PALM2AKAP2: variants seen among roughly 807,000 people sequenced by gnomAD.
The protein encoded by PALM2AKAP2 is PALM2 and AKAP2 fusion.
PALM2AKAP2 carries 37 observed loss-of-function variants against 71.5 expected under a neutral mutation model. The ratio of observed to expected loss-of-function variants is 0.52; its 90% confidence interval spans 0.40 to 0.68. PALM2AKAP2 has a LOEUF of 0.68. Among genes scored for constraint, PALM2AKAP2 ranks in the 30% least tolerant of loss-of-function variants. The pLI is 0.00. For missense variants in PALM2AKAP2, 1,224 were observed against 1,191.8 expected, an observed-to-expected ratio of 1.03 and a Z score of -0.40; for synonymous variants, 468 against 478.8, an observed-to-expected ratio of 0.98 and a Z score of 0.29.
intron 1 of PALM2AKAP2, among the ~76,000 whole-genome samples, chr9:109,755,497 C>A (rs985655012): frequency 1.3e-5 from 2 of 152,100 alleles, no homozygotes; most frequent in African/African-American, 4.8e-5. Context: ...GAACATATTT[C>A]CTGACAACTC....
chr9:110,054,729 T>C (rs942183621), intron 1 of PALM2AKAP2, among the ~76,000 whole-genome samples: 1 of 152,098 alleles, frequency 6.6e-6, no homozygotes, highest in African/African-American at 2.4e-5. Context: ...CATGCCACCA[T>C]GCCTGGCTGT....
At chr9:109,702,435 C>T (rs1268267052) in intron 1 of PALM2AKAP2, among the ~76,000 whole-genome samples, 3 of 152,122 alleles carry the variant, frequency 2.0e-5, no homozygotes, top group Non-Finnish European at 4.4e-5. Flanking sequence ...AGTTCGTGTC[C>T]TTTGTAGGGA....
chr9:109,925,085 A>T lies in PALM2AKAP2; in HGVS notation c.394+3A>T, dbSNP rs762276500. ...GGGTTTCTCCAGTACGGATGGAGGT[A>T]AGTGCTCTCTGCCCCGACTGTAGAT... On this transcript the variant is annotated splice_donor_region_variant and intron_variant, in intron 5 of 9. Coordinates refer to the PALM2AKAP2 transcript ENST00000302798. 3.1e-6 allele frequency: 5 copies of T among 1,613,964 alleles called. No homozygotes were observed. The highest frequency in any genetic ancestry group is 4.2e-6 in the Non-Finnish European group (5 of 1,179,994).
chr9:110,091,270 C>T (rs755275668), intron 1 of PALM2AKAP2, among the ~76,000 whole-genome samples: 16 of 151,948 alleles, frequency 1.1e-4, no homozygotes, highest in Non-Finnish European at 2.1e-4. Flanking sequence ...GTATTGTCTA[C>T]GGTCAATAAA....
chr9:109,710,523 A>G (rs1427205837), intron 1 of PALM2AKAP2, among the ~76,000 whole-genome samples: 3 of 152,238 alleles, frequency 2.0e-5, no homozygotes, highest in Non-Finnish European at 2.9e-5. Flanking sequence ...GTCGCAAGTT[A>G]GTATGATGTT....
chr9:110,153,256 G>T (rs1836367698), intron 2 of PALM2AKAP2, among the ~76,000 whole-genome samples: 1 of 152,110 alleles, frequency 6.6e-6, no homozygotes, highest in Admixed American at 6.5e-5. Context: ...ATTTAATTCA[G>T]CCATCATCAA....
At chr9:110,131,919 C>T (rs1351131923) in intron 1 of PALM2AKAP2, among the ~76,000 whole-genome samples, 1 of 152,072 alleles carries the variant, frequency 6.6e-6, no homozygotes, top group Non-Finnish European at 1.5e-5. Context: ...AGAAGGAGGG[C>T]CTCTTTCCTG....
intron 1 of PALM2AKAP2, among the ~76,000 whole-genome samples, chr9:110,066,649 T>C (rs1038158818): frequency 6.6e-6 from 1 of 150,778 alleles, no homozygotes; most frequent in South Asian, 2.1e-4. Context: ...CAGTGAGCTA[T>C]GATCACAACA....
At chr9:110,164,721 G>A (rs1460241856) in intron 3 of PALM2AKAP2, among the ~76,000 whole-genome samples, 1 of 151,926 alleles carries the variant, frequency 6.6e-6, no homozygotes, top group Non-Finnish European at 1.5e-5. Flanking sequence ...AGTAGAGACA[G>A]GTTTTCACTA....
chr9:110,048,600 CTG>C (rs1358095246), upstream of PALM2AKAP2: 1 of 1,207,246 alleles, frequency 8.3e-7, no homozygotes, highest in African/African-American at 1.9e-5. Context: ...CGCTGGGCTA[CTG>C]GAGGGGAAGC....
At chr9:109,758,392 T>C (rs1028003026) in intron 1 of PALM2AKAP2, among the ~76,000 whole-genome samples, 2 of 152,070 alleles carry the variant, frequency 1.3e-5, no homozygotes, top group Non-Finnish European at 1.5e-5. Flanking sequence ...TCAAAGTACA[T>C]TTGTAATTTT....
intron 1 of PALM2AKAP2, among the ~76,000 whole-genome samples, chr9:109,819,694 T>TGA (rs1827942927): frequency 1.0e-5 from 1 of 99,020 alleles, no homozygotes; most frequent in South Asian, 2.8e-4. Flanking sequence ...CCTAATTATG[T>TGA]GTGTGTGTGT....
chr9:109,880,174 G>C (rs955391595), intron 2 of PALM2AKAP2, among the ~76,000 whole-genome samples: 3 of 152,100 alleles, frequency 2.0e-5, no homozygotes, highest in Non-Finnish European at 4.4e-5. Flanking sequence ...ATAGAAAAAT[G>C]TTCTTAATTT....
intron 1 of PALM2AKAP2, among the ~76,000 whole-genome samples, chr9:109,733,198 A>C (rs1828581884): frequency 6.6e-6 from 1 of 152,188 alleles, no homozygotes; most frequent in Non-Finnish European, 1.5e-5. Flanking sequence ...TGCATCCTGG[A>C]AAGGGGTTGA....
At chr9:109,931,808 C>T (rs181611468) in intron 5 of PALM2AKAP2, 119 bp from the exon 6 acceptor site, 113 of 1,102,470 alleles carry the variant, frequency 1.0e-4, no homozygotes, top group Middle Eastern at 6.2e-4. Flanking sequence ...CCTGATCCTC[C>T]TGTTCAGTGG....
At chr9:109,724,068 C>T (rs1299535383) in intron 1 of PALM2AKAP2, among the ~76,000 whole-genome samples, 1 of 152,072 alleles carries the variant, frequency 6.6e-6, no homozygotes, top group Non-Finnish European at 1.5e-5. Context: ...TATAAAGGGG[C>T]TCAATGTGAA....
At chr9:109,898,289 A>G (rs1440749579) in intron 3 of PALM2AKAP2, among the ~76,000 whole-genome samples, 1 of 152,224 alleles carries the variant, frequency 6.6e-6, no homozygotes, top group Non-Finnish European at 1.5e-5. Context: ...TTCAAGTACA[A>G]ATAAGACTTC....
At chr9:109,997,556 TC>T (rs1023725898) in intron 6 of PALM2AKAP2, among the ~76,000 whole-genome samples, 17 of 152,200 alleles carry the variant, frequency 1.1e-4, no homozygotes, top group African/African-American at 4.1e-4. Flanking sequence ...CAGAGAGGAC[TC>T]CCCTACTCAA....
intron 2 of PALM2AKAP2, among the ~76,000 whole-genome samples, chr9:109,871,037 A>G (rs559911729): frequency 6.6e-6 from 1 of 152,346 alleles, no homozygotes; most frequent in African/African-American, 2.4e-5. Flanking sequence ...AAATTCTCAC[A>G]TGTGGCAATT....
Sources: allele counts gnomAD v4.1 joint callset (sites outside exome capture counted in the v4.1 genomes callset), GRCh38; gene constraint gnomAD v4.1.1; transcripts MANE v1.5; gene names NCBI Gene and HGNC (gene_info 2026-07-23, HGNC 2026-07-21).